Variants in ANKRD13C observed in about 807,000 individuals in gnomAD.
The protein encoded by ANKRD13C is ankyrin repeat domain-containing protein 13C.
Under a neutral mutation model 65.5 loss-of-function variants are expected in ANKRD13C, and 16 were observed. The ratio of observed to expected loss-of-function variants is 0.24; its 90% CI spans 0.17 to 0.37. The LOEUF is 0.37. Among genes scored for constraint, ANKRD13C ranks in the 10% least tolerant of loss-of-function variants. ANKRD13C has a pLI of 1.00. For missense variants in ANKRD13C, 503 were observed against 655.9 expected, an observed-to-expected ratio of 0.77 and a Z score of 2.55; for synonymous variants, 235 against 238.7, an observed-to-expected ratio of 0.98 and a Z score of 0.14.
Position 70,307,629 on chromosome 1 carries a change from T to C in ANKRD13C, c.710-1339A>G, listed in dbSNP as rs1162888468. On this transcript the variant is annotated intron_variant, in intron 5 of 12. Transcript: ENST00000370944. ...ACGAATTGTTGCCCTAGTGAAATAA[T>C]GTAAGAAATCTTCTTCTGACAAAGC... Among the ~76,000 whole-genome samples the C allele has an allele frequency of 4.6e-5, 7 of 152,134 alleles. 1 individual carries two copies. The highest frequency in any genetic ancestry group is 1.4e-4 in the African/African-American group (6 of 41,414).
chr1:70,335,936 C>A (rs1682006266), intron 2 of ANKRD13C, 122 bp downstream of exon 2: 1 of 289,648 alleles, frequency 3.5e-6, no homozygotes, highest in Non-Finnish European at 6.5e-6. Context: ...ATACTAAATT[C>A]TAAGTTCAAT....
intron 7 of ANKRD13C, among the ~76,000 whole-genome samples, chr1:70,298,221 G>A (rs1680179370): frequency 6.6e-6 from 1 of 152,096 alleles, no homozygotes. Context: ...CATTGTCTAT[G>A]AGCAAATTTG....
Position 70,306,270 on chromosome 1 carries a change from G to A in ANKRD13C, c.730C>T (p.Leu244=). 1 of 1,577,888 alleles carries A rather than the reference G, an allele frequency of 6.3e-7. No homozygotes were observed. Among genetic ancestry groups the A allele is most frequent in the Non-Finnish European group, 8.6e-7 (1 of 1,159,722 alleles). ...TATATTTTACATGCATCGGAAGGCAGAATTCGGGAAAGTAAAGGCACTGTA... is the reference window on the plus strand; with the variant it reads ...TATATTTTACATGCATCGGAAGGCAAAATTCGGGAAAGTAAAGGCACTGTA... ...QSWVPLLSRI[L]PSDACKIYKQ... The change falls in exon 6 of 13, where the codon CTG becomes TTG. Residue 244 remains leucine, a synonymous_variant. Coordinates refer to ENST00000370944, the MANE Select transcript of ANKRD13C (RefSeq NM_030816.5).
chr1:70,325,243 G>A (rs1242261602), intron 2 of ANKRD13C, among the ~76,000 whole-genome samples: 1 of 151,916 alleles, frequency 6.6e-6, no homozygotes, highest in Non-Finnish European at 1.5e-5. Context: ...TTTTTTTAAT[G>A]TTTTCATACT....
intron 1 of ANKRD13C, among the ~76,000 whole-genome samples, chr1:70,348,411 G>A (rs1415773550): frequency 6.6e-6 from 1 of 151,912 alleles, no homozygotes; most frequent in East Asian, 1.9e-4. Context: ...GATTACAGGT[G>A]CGCGCGACCA....
chr1:70,267,826 G>A (rs1209414273), intron 12 of ANKRD13C, among the ~76,000 whole-genome samples: 1 of 152,000 alleles, frequency 6.6e-6, no homozygotes, highest in African/African-American at 2.4e-5. Flanking sequence ...GTGTGTATGT[G>A]TGTGTGTGTC....
rs1171014726 is a variant in ANKRD13C at position 70,260,940 on chromosome 1, A to C, written c.*1777T>G. 3 of 152,064 alleles carry C rather than the reference A, an allele frequency of 2.0e-5. No homozygotes were observed. Among genetic ancestry groups the C allele is most frequent in the Admixed American group, 2.0e-4 (3 of 15,254 alleles). 9.4% of individuals were successfully genotyped at this position (152,064 alleles called of 1,614,324 possible). A position where few individuals can be genotyped will look rare whatever the true frequency, so the allele number is the denominator to read the frequency against. On this transcript the variant is annotated 3_prime_UTR_variant, in exon 13 of 13. Transcript: ENST00000370944. Reference sequence around the variant, plus strand: ...TCCTGAAAGTATACCATATTCCTACAAAGTAAGGGAGCCTAGAAGCAACAG... The same window carrying C: ...TCCTGAAAGTATACCATATTCCTACCAAGTAAGGGAGCCTAGAAGCAACAG...
intron 12 of ANKRD13C, among the ~76,000 whole-genome samples, chr1:70,265,783 C>G (rs1225511967): frequency 7.2e-6 from 1 of 139,218 alleles, no homozygotes; most frequent in Non-Finnish European, 1.5e-5. Flanking sequence ...CGAGATCATG[C>G]CACTGCATTC....
intron 3 of ANKRD13C, among the ~76,000 whole-genome samples, chr1:70,322,848 C>A (rs1189530776): frequency 1.3e-5 from 2 of 152,066 alleles, no homozygotes; most frequent in African/African-American, 4.8e-5. Flanking sequence ...CAAGATTAGC[C>A]GGGCATGGTG....
intron 9 of ANKRD13C, among the ~76,000 whole-genome samples, chr1:70,288,764 G>T (rs147832359): frequency 6.6e-6 from 1 of 152,254 alleles, no homozygotes; most frequent in Non-Finnish European, 1.5e-5. Flanking sequence ...CAGCAAATGT[G>T]CCTATAAAAG....
chr1:70,315,030 G>A (rs1407877644), intron 4 of ANKRD13C, among the ~76,000 whole-genome samples: 1 of 152,164 alleles, frequency 6.6e-6, no homozygotes, highest in African/African-American at 2.4e-5. Flanking sequence ...CTTGAGCTCA[G>A]GAGTTTGATA....
chr1:70,314,563 CA>C (rs1680993688), intron 4 of ANKRD13C, among the ~76,000 whole-genome samples: 1 of 151,786 alleles, frequency 6.6e-6, no homozygotes, highest in Admixed American at 6.6e-5. Context: ...AGCTAGACAC[CA>C]AAGATTATAA....
intron 5 of ANKRD13C, among the ~76,000 whole-genome samples, chr1:70,313,463 G>C (rs113693616): frequency 3.3e-5 from 5 of 151,252 alleles, no homozygotes; most frequent in African/African-American, 9.7e-5. Context: ...CCAGGGGTTC[G>C]AGGCTGTAGT....
chr1:70,262,863 C>T lies in ANKRD13C; in HGVS notation c.1496-16G>A, dbSNP rs1232720771. On this transcript the variant is annotated splice_polypyrimidine_tract_variant and intron_variant, in intron 12 of 12. Coordinates refer to ENST00000370944, the MANE Select transcript of ANKRD13C (RefSeq NM_030816.5). ...ACAGGTATATCTACAGAGAGAACAT[C>T]AATGATAGCATTGTAAAATCAAATG... is the stretch of plus-strand genomic sequence containing the variant. The T allele has an allele frequency of 6.4e-7, 1 of 1,558,650 alleles. No homozygotes were observed.
In ANKRD13C at chr1:70,260,141, T is replaced by A. The variant is rs376003856; in HGVS notation, c.*2576A>T. Among the ~76,000 whole-genome samples, 1 of 152,200 alleles carries A rather than the reference T, an allele frequency of 6.6e-6. No homozygotes were observed. The highest frequency in any genetic ancestry group is 2.4e-5 in the African/African-American group (1 of 41,452). ...GGAAACAGTTTTTCATCTACTAACA[T>A]GTATCAGCAGACAGATGTGACAGTT... is the stretch of plus-strand genomic sequence containing the variant. On this transcript the variant is annotated 3_prime_UTR_variant, in exon 13 of 13. Transcript: ENST00000370944.
At chr1:70,315,334 C>T in intron 4 of ANKRD13C, 147 bp downstream of exon 4, 1 of 559,996 alleles carries the variant, frequency 1.8e-6, no homozygotes, top group Non-Finnish European at 3.2e-6. Flanking sequence ...CACATTCATA[C>T]ACTAATTATT....
In ANKRD13C at chr1:70,354,482, A is replaced by G. The variant is rs887201010; in HGVS notation, c.-74T>C. On this transcript the variant is annotated 5_prime_UTR_variant, in exon 1 of 13. Transcript: ENST00000370944. Reference sequence around the variant, plus strand: ...ACGGAGCTGGCGCTGCGGCGGCACAAGGCGATTAGAGCGGTGGCCAAGAGC... The same window carrying G: ...ACGGAGCTGGCGCTGCGGCGGCACAGGGCGATTAGAGCGGTGGCCAAGAGC... 1.3e-6 allele frequency: 2 copies of G among 1,510,260 alleles called. No individual in the cohort carries two copies. Among genetic ancestry groups the G allele is most frequent in the Non-Finnish European group, 1.8e-6 (2 of 1,132,236 alleles). The allele number at this position is 1,510,260 out of a possible 1,614,324, so 93.6% of individuals were successfully genotyped here. A position where few individuals can be genotyped will look rare whatever the true frequency, so the allele number is the denominator to read the frequency against.
intron 7 of ANKRD13C, among the ~76,000 whole-genome samples, chr1:70,299,633 C>T (rs941644997): frequency 2.0e-5 from 3 of 151,892 alleles, no homozygotes; most frequent in Admixed American, 1.3e-4. Context: ...ACACAGAGTA[C>T]AAGAAAAGAT....
Position 70,261,931 on chromosome 1 carries a change from A to T in ANKRD13C, c.*786T>A, listed in dbSNP as rs1678404189. 6.6e-6 allele frequency: 1 copy of T among 152,458 alleles called. No individual in the cohort carries two copies. The highest frequency in any genetic ancestry group is 2.4e-5 in the African/African-American group (1 of 41,422). The allele number at this position is 152,458 out of a possible 1,614,324, so 9.4% of individuals were successfully genotyped here. ...CTAACCATTACCTTATGATGACCATAACAAGGACTCAAACTCAAGTTTAGA... is the reference window on the plus strand; with the variant it reads ...CTAACCATTACCTTATGATGACCATTACAAGGACTCAAACTCAAGTTTAGA... On this transcript the variant is annotated 3_prime_UTR_variant, in exon 13 of 13. Coordinates refer to ENST00000370944, the MANE Select transcript of ANKRD13C (RefSeq NM_030816.5).
Sources: allele counts gnomAD v4.1 joint callset (sites outside exome capture counted in the v4.1 genomes callset), GRCh38; gene constraint gnomAD v4.1.1; transcripts MANE v1.5; gene names NCBI Gene and HGNC (gene_info 2026-07-23, HGNC 2026-07-21).